XXYLT1: variants seen among roughly 807,000 people sequenced by gnomAD.
XXYLT1 encodes UDP-xylose:alpha-xyloside alpha-1,3-xylosyltransferase.
XXYLT1 carries 20 observed loss-of-function variants against 28.9 expected under a neutral mutation model. The ratio of observed to expected loss-of-function variants is 0.69; its 90% CI spans 0.49 to 1.00. The LOEUF (loss-of-function observed/expected upper bound fraction) is 1.00. Ranked by LOEUF, XXYLT1 falls within the 50% of genes least tolerant of loss-of-function variation. The probability of loss-of-function intolerance (pLI) is 0.00; values close to 1 mark genes in which losing one functional copy is unlikely to be tolerated. For missense variants in XXYLT1, 542 were observed against 560.1 expected, an observed-to-expected ratio of 0.97 and a Z score of 0.33; for synonymous variants, 257 against 253.8, an observed-to-expected ratio of 1.01 and a Z score of -0.12.
At chr3:195,108,543 G>A (rs947863659) in intron 3 of XXYLT1, among the ~76,000 whole-genome samples, 2 of 152,224 alleles carry the variant, frequency 1.3e-5, no homozygotes, top group African/African-American at 4.8e-5. Context: ...TCTGAGAAAT[G>A]CATTGTTAGG....
intron 3 of XXYLT1, among the ~76,000 whole-genome samples, chr3:195,082,008 A>G (rs1223566620): frequency 1.3e-5 from 2 of 152,118 alleles, no homozygotes; most frequent in African/African-American, 4.8e-5. Context: ...CGATCACTGA[A>G]CTCCAACGAT....
chr3:195,095,065 A>G (rs1716349878), intron 3 of XXYLT1, among the ~76,000 whole-genome samples: 1 of 152,222 alleles, frequency 6.6e-6, no homozygotes, highest in Non-Finnish European at 1.5e-5. Context: ...GGTGATACCA[A>G]CGCTACTGGT....
chr3:195,124,897 A>T lies in XXYLT1; in HGVS notation c.785+31552T>A, dbSNP rs556519607. Among the ~76,000 whole-genome samples, 5 of 152,308 alleles carry T rather than the reference A, an allele frequency of 3.3e-5. No homozygotes were observed. Among genetic ancestry groups the T allele is most frequent in the African/African-American group, 1.2e-4 (5 of 41,570 alleles). On this transcript the variant is annotated intron_variant, in intron 3 of 3. Coordinates refer to ENST00000310380, the MANE Select transcript of XXYLT1 (RefSeq NM_152531.5). The surrounding 1 kb of genome is among the most constrained non-coding windows in gnomAD (Gnocchi z 4.1). The stretch of plus-strand genomic sequence containing the variant: ...GACGCAGCACACATCTGTATTTTCT[A>T]TCAGGCTGCGGGTGCACAAGGCTGT...
chr3:195,265,747 A>G (rs2108859316), intron 1 of XXYLT1, among the ~76,000 whole-genome samples: 1 of 152,316 alleles, frequency 6.6e-6, no homozygotes, highest in Non-Finnish European at 1.5e-5. Flanking sequence ...CCAGCAACAC[A>G]GATGTGATGG....
At chr3:195,125,924 G>T (rs1457543888) in intron 3 of XXYLT1, among the ~76,000 whole-genome samples, 2 of 152,102 alleles carry the variant, frequency 1.3e-5, no homozygotes, top group Non-Finnish European at 2.9e-5. Flanking sequence ...GGGAAGGTGC[G>T]GGCAGGAGCA....
chr3:195,108,814 G>A (rs183228657), intron 3 of XXYLT1, among the ~76,000 whole-genome samples: 7 of 152,252 alleles, frequency 4.6e-5, no homozygotes, highest in Admixed American at 3.3e-4. Flanking sequence ...AAAATGTTAC[G>A]CAGCATGTGA....
chr3:195,183,900 C>T (rs910316486), intron 2 of XXYLT1, among the ~76,000 whole-genome samples: 6 of 152,178 alleles, frequency 3.9e-5, no homozygotes, highest in African/African-American at 1.2e-4. Context: ...TTCCCAGGAT[C>T]GAAGGGCTAT....
intron 3 of XXYLT1, among the ~76,000 whole-genome samples, chr3:195,111,066 G>A (rs891344769): frequency 2.0e-5 from 3 of 152,038 alleles, no homozygotes; most frequent in Non-Finnish European, 4.4e-5. Flanking sequence ...GAGATCATGG[G>A]TCGGCAGGGC....
intron 1 of XXYLT1, among the ~76,000 whole-genome samples, chr3:195,252,692 CCACACACACACACACACACA>C (rs774827660): frequency 2.4e-5 from 2 of 84,154 alleles, no homozygotes; most frequent in Non-Finnish European, 4.6e-5. Flanking sequence ...AGAAAAAAAA[CCACACACACACACACACACA>C]CACACACACA....
chr3:195,123,191 A>C (rs548770408), intron 3 of XXYLT1, among the ~76,000 whole-genome samples: 255 of 149,940 alleles, frequency 1.7e-3, no homozygotes, highest in Middle Eastern at 6.8e-3. Flanking sequence ...AAAAAAAAAA[A>C]CCCTACATTT....
At chr3:195,233,197 T>C (rs1041589841) in intron 1 of XXYLT1, among the ~76,000 whole-genome samples, 1 of 152,214 alleles carries the variant, frequency 6.6e-6, no homozygotes, top group African/African-American at 2.4e-5. Context: ...TTCTGCTCCT[T>C]TTTGGTTTCC....
intron 3 of XXYLT1, among the ~76,000 whole-genome samples, chr3:195,155,816 C>G (rs908674326): frequency 6.6e-6 from 1 of 152,204 alleles, no homozygotes; most frequent in Non-Finnish European, 1.5e-5. Context: ...TAGCACTCAA[C>G]TGAATGAATG....
intron 1 of XXYLT1, among the ~76,000 whole-genome samples, chr3:195,243,152 C>T (rs57543915): frequency 6.6e-6 from 1 of 151,912 alleles, no homozygotes; most frequent in African/African-American, 2.4e-5. Flanking sequence ...TAGGTGGGAA[C>T]TGAACAATGA....
At chr3:195,188,705 G>A (rs146190268) in intron 2 of XXYLT1, among the ~76,000 whole-genome samples, 24 of 152,324 alleles carry the variant, frequency 1.6e-4, no homozygotes, top group African/African-American at 5.3e-4. Context: ...ATAACTGCTA[G>A]CTCCCATATC....
At chr3:195,122,434 C>T (rs1718408912) in intron 3 of XXYLT1, among the ~76,000 whole-genome samples, 2 of 144,836 alleles carry the variant, frequency 1.4e-5, no homozygotes, top group South Asian at 4.6e-4. Context: ...AGTAGTAGTA[C>T]AGCAGTACTG....
In XXYLT1 at chr3:195,257,780, C is replaced by T. The variant is rs2108849632; in HGVS notation, c.504+12775G>A. Among the ~76,000 whole-genome samples the T allele has an allele frequency of 6.6e-6, 1 of 152,224 alleles. No homozygotes were observed. Among genetic ancestry groups the T allele is most frequent in the Admixed American group, 6.5e-5 (1 of 15,284 alleles). On this transcript the variant is annotated intron_variant, in intron 1 of 3. Transcript: ENST00000310380. This position sits in a 1 kb window ranked among gnomAD's most constrained non-coding sequence, Gnocchi z 4.3. ...CCATCTTCTGGTCATGACTCTCCTG[C>T]CAGGGACAGAAGACAGAGCCAGTCT... is the stretch of plus-strand genomic sequence containing the variant.
chr3:195,110,429 G>A (rs1380972590), intron 3 of XXYLT1, among the ~76,000 whole-genome samples: 1 of 139,382 alleles, frequency 7.2e-6, no homozygotes, highest in African/African-American at 2.7e-5. Flanking sequence ...TGGTGTATGT[G>A]TGCGTGTGTA....
intron 3 of XXYLT1, among the ~76,000 whole-genome samples, chr3:195,145,661 C>T (rs1241283756): frequency 1.4e-5 from 2 of 145,740 alleles, no homozygotes; most frequent in East Asian, 3.8e-4. Flanking sequence ...TGGGGCCCTG[C>T]GAGCATCTCT....
At chr3:195,102,743 T>C (rs1190611492) in intron 3 of XXYLT1, among the ~76,000 whole-genome samples, 1 of 152,220 alleles carries the variant, frequency 6.6e-6, no homozygotes, top group Non-Finnish European at 1.5e-5. Context: ...TTCCGTATCT[T>C]GGCTACTGTG....
Sources: allele counts gnomAD v4.1 joint callset (sites outside exome capture counted in the v4.1 genomes callset), GRCh38; gene constraint gnomAD v4.1.1; non-coding constraint Gnocchi (gnomAD v3.1); transcripts MANE v1.5; gene names NCBI Gene and HGNC (gene_info 2026-07-23, HGNC 2026-07-21).